Variants in PICALM observed in about 807,000 individuals in gnomAD.
The protein encoded by PICALM is phosphatidylinositol-binding clathrin assembly protein.
A neutral mutation model predicts 80.5 loss-of-function variants in PICALM; 40 were observed. The ratio of observed to expected loss-of-function variants is 0.50; its 90% CI spans 0.39 to 0.65. The LOEUF (loss-of-function observed/expected upper bound fraction) is 0.65, where lower values mean the gene tolerates loss of function less well. Ranked by LOEUF, PICALM falls within the 30% of genes least tolerant of loss-of-function variation. The pLI is 0.00. For synonymous variants in PICALM, 288 were observed against 260.3 expected (o/e 1.11, Z -1.02); for missense variants, 676 against 778.9 (o/e 0.87, Z 1.57).
intron 7 of PICALM, among the ~76,000 whole-genome samples, chr11:86,009,454 G>A (rs1233100198): frequency 2.0e-5 from 3 of 152,140 alleles, no homozygotes; most frequent in Non-Finnish European, 4.4e-5. Context: ...CACTTTGGGA[G>A]GCCCAGGCGG....
intron 11 of PICALM, 128 bp downstream of exon 11, chr11:86,000,515 A>G (rs1447742288): frequency 1.5e-6 from 1 of 648,448 alleles, no homozygotes; most frequent in Non-Finnish European, 2.6e-6. Context: ...ATCACCATTT[A>G]TCGCCACCTC....
intron 8 of PICALM, among the ~76,000 whole-genome samples, chr11:86,005,126 T>C (rs1393692878): frequency 2.0e-5 from 3 of 152,164 alleles, no homozygotes; most frequent in Admixed American, 6.6e-5. Context: ...ACAGTGAAGA[T>C]TAAGTAATCT....
intron 5 of PICALM, 36 bp from the exon 6 acceptor site, chr11:86,012,428 T>G: frequency 8.5e-7 from 1 of 1,182,190 alleles, no homozygotes; most frequent in Non-Finnish European, 1.3e-6. Flanking sequence ...TAGCTAATCT[T>G]AGGTTTTAAA....
rs1297409481 is a variant in PICALM at position 85,974,731 on chromosome 11, A to G, written c.1921T>C (p.Phe641Leu). The part of the protein sequence containing the change: ...SQPVMRPPNP[F>L]GPVSGAQIQF... ...ACCTGTGCTCCTGATACAGGGCCAAAGGGGTTTGGAGGTCTCATGACAGGC... is the reference window on the plus strand; with the variant it reads ...ACCTGTGCTCCTGATACAGGGCCAAGGGGGTTTGGAGGTCTCATGACAGGC... The change falls in exon 19 of 20, where the codon TTT (phenylalanine) becomes CTT (leucine). Residue 641 changes from phenylalanine (F) to leucine (L), a missense_variant. Transcript: ENST00000393346. 1.2e-6 allele frequency: 2 copies of G among 1,612,006 alleles called. No homozygotes were observed. Among genetic ancestry groups the G allele is most frequent in the Non-Finnish European group, 1.7e-6 (2 of 1,178,160 alleles).
At chr11:85,969,772 G>T in intron 19 of PICALM, 1 of 239,554 alleles carries the variant, frequency 4.2e-6, no homozygotes, top group Non-Finnish European at 8.7e-6. Context: ...TCCTACCTCA[G>T]CCTCCCAAAG....
At chr11:85,976,567 C>A in intron 18 of PICALM, 56 bp downstream of exon 18, 1 of 1,043,714 alleles carries the variant, frequency 9.6e-7, no homozygotes, top group Admixed American at 1.7e-5. Flanking sequence ...GTAATAAAAA[C>A]ATGTTATATA....
chr11:86,023,718 T>A (rs111793070), intron 3 of PICALM, among the ~76,000 whole-genome samples: 1 of 152,216 alleles, frequency 6.6e-6, no homozygotes, highest in African/African-American at 2.4e-5. Flanking sequence ...AAAGTTAAAA[T>A]GAACTGAATG....
At chr11:86,015,942 A>G (rs1267272608) in intron 4 of PICALM, among the ~76,000 whole-genome samples, 1 of 152,228 alleles carries the variant, frequency 6.6e-6, no homozygotes, top group African/African-American at 2.4e-5. Context: ...AGGACACAAC[A>G]AAGTTTAATA....
chr11:86,011,944 G>A (rs967106809), intron 6 of PICALM, among the ~76,000 whole-genome samples: 1 of 149,518 alleles, frequency 6.7e-6, no homozygotes, highest in Non-Finnish European at 1.5e-5. Flanking sequence ...TCCGCCTCCT[G>A]GGTTCAAGCA....
intron 1 of PICALM, among the ~76,000 whole-genome samples, chr11:86,063,921 T>A (rs2096406442): frequency 1.3e-5 from 2 of 152,060 alleles, no homozygotes; most frequent in South Asian, 4.1e-4. Context: ...ATAAAAGATA[T>A]CCTGGGACAG....
Position 86,003,440 on chromosome 11 carries a change from A to G in PICALM, c.819T>C (p.Ser273=). The change falls in exon 9 of 20, where the codon AGT becomes AGC. Residue 273 remains serine (S), a synonymous_variant. Transcript: ENST00000393346. ...AATGTTGTTCCAAAGCATCAAGAAG[A>G]CTGCTAGGGGCCTGCAATTGTACAA... The part of the protein sequence containing the change: ...DIPDLSQAPS[S]LLDALEQHLA... 6.3e-7 allele frequency: 1 copy of G among 1,595,504 alleles called. No homozygotes were observed. The highest frequency in any genetic ancestry group is 8.6e-7 in the Non-Finnish European group (1 of 1,166,402).
intron 1 of PICALM, among the ~76,000 whole-genome samples, chr11:86,067,497 G>C (rs1258034125): frequency 6.6e-6 from 1 of 152,152 alleles, no homozygotes; most frequent in South Asian, 2.1e-4. Flanking sequence ...TTCCAGGTTA[G>C]AAAAAAGTTA....
chr11:85,970,764 C>CT (rs1173241838), intron 19 of PICALM, among the ~76,000 whole-genome samples: 1 of 152,182 alleles, frequency 6.6e-6, no homozygotes, highest in Admixed American at 6.5e-5. Flanking sequence ...AATCGTACCA[C>CT]TGCCCTCCAG....
intron 19 of PICALM, among the ~76,000 whole-genome samples, chr11:85,962,527 G>A (rs1178425136): frequency 2.0e-5 from 3 of 152,228 alleles, no homozygotes; most frequent in East Asian, 1.9e-4. Flanking sequence ...TGAAGAATAC[G>A]GAAGAGACAA....
chr11:86,031,517 G>A lies in PICALM; in HGVS notation c.225C>T (p.Val75=), dbSNP rs1231367627. 4 of 1,612,498 alleles carry A rather than the reference G, an allele frequency of 2.5e-6. No homozygotes were observed. The East Asian group carries it at 6.7e-5, about 27-fold the overall frequency. ...ERTTNSSWVV[V]FKSLITTHHL... ...GATGAGTTGTAATGAGAGATTTGAA[G>A]ACCACCACCCAACTACTATTAGTAG... The change falls in exon 2 of 20, where the codon GTC becomes GTT. Residue 75 remains valine, a synonymous_variant. Transcript: ENST00000393346.
At chr11:85,988,267 GTT>G (rs2094641363) in intron 13 of PICALM, among the ~76,000 whole-genome samples, 1 of 152,124 alleles carries the variant, frequency 6.6e-6, no homozygotes. Flanking sequence ...AAAATTTAAG[GTT>G]TTGAGAATGG....
intron 19 of PICALM, among the ~76,000 whole-genome samples, chr11:85,960,289 T>C (rs2093645724): frequency 6.6e-6 from 1 of 152,152 alleles, no homozygotes; most frequent in Admixed American, 6.5e-5. Flanking sequence ...ATATCTAAAC[T>C]GGGGGCTAGA....
intron 1 of PICALM, among the ~76,000 whole-genome samples, chr11:86,040,570 C>T (rs1033762498): frequency 4.6e-5 from 7 of 152,122 alleles, no homozygotes; most frequent in Admixed American, 1.3e-4. Flanking sequence ...ATGAGGCTGA[C>T]TGCTTCATCT....
intron 1 of PICALM, among the ~76,000 whole-genome samples, chr11:86,062,841 G>A (rs957495175): frequency 3.3e-5 from 5 of 152,154 alleles, no homozygotes; most frequent in Admixed American, 1.3e-4. Flanking sequence ...AACGTATAAA[G>A]CAGTTTAACT....
Sources: allele counts gnomAD v4.1 joint callset (sites outside exome capture counted in the v4.1 genomes callset), GRCh38; gene constraint gnomAD v4.1.1; transcripts MANE v1.5; gene names NCBI Gene and HGNC (gene_info 2026-07-23, HGNC 2026-07-21).